SS18L1: variants seen among roughly 807,000 people sequenced by gnomAD.
SS18L1 encodes the protein calcium-responsive transactivator.
SS18L1 carries 32 observed loss-of-function variants against 70.3 expected under a neutral mutation model. That is an observed-to-expected ratio of 0.46 (90% confidence interval 0.34 to 0.61). SS18L1 has a LOEUF of 0.61. SS18L1 is among the 20% of genes least tolerant of loss of function. The probability of loss-of-function intolerance (pLI) is 0.01; values close to 1 mark genes in which losing one functional copy is unlikely to be tolerated. For missense variants in SS18L1, 430 were observed against 542.1 expected (o/e 0.79, Z 2.05); for synonymous variants, 237 against 229.7 (o/e 1.03, Z -0.29).
chr20:62,177,235 G>T (rs866593778), intron 10 of SS18L1, among the ~76,000 whole-genome samples: 1 of 151,582 alleles, frequency 6.6e-6, no homozygotes, highest in Non-Finnish European at 1.5e-5. Context: ...CTGAGATCGC[G>T]CCATTGTATT....
In SS18L1 at chr20:62,161,588, C is replaced by T. The variant is rs951603581; in HGVS notation, c.376+8C>T. The T allele has an allele frequency of 3.0e-5, 48 of 1,599,206 alleles. No individual in the cohort carries two copies. The highest frequency in any genetic ancestry group is 4.5e-5 in the East Asian group (2 of 44,436). On this transcript the variant is annotated splice_region_variant and intron_variant, in intron 4 of 10. Transcript: ENST00000331758. This position sits in a 1 kb window ranked among gnomAD's most constrained non-coding sequence, Gnocchi z 4.4. ...AGGGCCAGATTGGCAACGGTGAGTG[C>T]GGCGGGGGAGGAGGACGTTCCTGGC...
rs2057384407 is a variant in SS18L1 at position 62,164,171 on chromosome 20, G to C, written c.748G>C (p.Glu250Gln). 1.3e-6 allele frequency: 2 copies of C among 1,550,076 alleles called. No individual in the cohort carries two copies. Among genetic ancestry groups the C allele is most frequent in the African/African-American group, 2.7e-5 (2 of 73,030 alleles). Residue 250 changes from glutamate to glutamine, a missense_variant, in exon 7 of 11, where the codon GAG becomes CAG. By Grantham distance (29) the Glu-to-Gln change is conservative. Coordinates refer to ENST00000331758, the MANE Select transcript of SS18L1 (RefSeq NM_198935.3). Reference sequence around the variant, plus strand: ...CTCTTCCCAGCAGTACCTGGGCCAGGAGGAGTACTATGGCGAGCAGTACAG... The same window carrying C: ...CTCTTCCCAGCAGTACCTGGGCCAGCAGGAGTACTATGGCGAGCAGTACAG... Reference protein sequence around the residue: ...QGSSQQYLGQEEYYGEQYSHS... With the variant: ...QGSSQQYLGQQEYYGEQYSHS...
At chr20:62,172,540 G>A in intron 8 of SS18L1, 142 bp from the exon 9 acceptor site, 1 of 1,229,470 alleles carries the variant, frequency 8.1e-7, no homozygotes, top group South Asian at 1.4e-5. Flanking sequence ...TATAGTATTT[G>A]AATGGTTGTG....
intron 1 of SS18L1, among the ~76,000 whole-genome samples, chr20:62,145,319 G>GA (rs983960805): frequency 3.8e-4 from 2 of 5,298 alleles, no homozygotes; most frequent in Admixed American, 3.2e-3. Flanking sequence ...CTGAGGCCTA[G>GA]GGGGGCTAAA....
At chr20:62,168,993 A>T (rs1462969252) in intron 8 of SS18L1, among the ~76,000 whole-genome samples, 1 of 151,832 alleles carries the variant, frequency 6.6e-6, no homozygotes, top group African/African-American at 2.4e-5. Flanking sequence ...GGGCTGACCA[A>T]GCCAGGAGGG....
intron 1 of SS18L1, among the ~76,000 whole-genome samples, chr20:62,153,372 C>A (rs1248554063): frequency 2.0e-5 from 3 of 152,192 alleles, no homozygotes; most frequent in Non-Finnish European, 4.4e-5. Context: ...ATGCCTCCCA[C>A]CTCCCAGAGG....
rs373266964 is a variant in SS18L1, at chr20:62,181,764, ATCTT to A, written c.*2557_*2560del. On this transcript the variant is annotated 3_prime_UTR_variant, in exon 11 of 11. Transcript: ENST00000331758. Reference sequence around the variant, plus strand: ...GCCAGCAGTTCCTTTTCATTATTCTATCTTCTGTCATATGAATGTTGAGCAAAGC... The same window carrying A: ...GCCAGCAGTTCCTTTTCATTATTCTACTGTCATATGAATGTTGAGCAAAGC... The A allele has an allele frequency of 8.9e-6, 2 of 225,188 alleles. No individual in the cohort carries two copies. Among genetic ancestry groups the A allele is most frequent in the African/African-American group, 4.5e-5 (2 of 44,850 alleles). 13.9% of individuals were successfully genotyped at this position (225,188 alleles called of 1,614,324 possible). A position where few individuals can be genotyped will look rare whatever the true frequency, so the allele number is the denominator to read the frequency against.
chr20:62,182,119 C>T lies in SS18L1; in HGVS notation c.*2911C>T, dbSNP rs570479763. Reference sequence around the variant, plus strand: ...ATGGGATTAAGGTGGACAAGATCTCCTAAGATCTGTGAATGGGATTAAGGT... The same window carrying T: ...ATGGGATTAAGGTGGACAAGATCTCTTAAGATCTGTGAATGGGATTAAGGT... On this transcript the variant is annotated 3_prime_UTR_variant, in exon 11 of 11. Coordinates refer to ENST00000331758, the MANE Select transcript of SS18L1 (RefSeq NM_198935.3). 8.8e-6 allele frequency: 2 copies of T among 227,668 alleles called. No individual in the cohort carries two copies. The highest frequency in any genetic ancestry group is 2.2e-5 in the African/African-American group (1 of 45,114). 14.1% of individuals were successfully genotyped at this position (227,668 alleles called of 1,614,324 possible).
intron 1 of SS18L1, among the ~76,000 whole-genome samples, chr20:62,154,691 T>C (rs929808863): frequency 6.6e-6 from 1 of 152,180 alleles, no homozygotes; most frequent in African/African-American, 2.4e-5. Flanking sequence ...TCTCCTGTCA[T>C]GTTTAGGATC....
rs772766858 is a variant in SS18L1 at position 62,174,604 on chromosome 20, C to G, written c.1124C>G (p.Ala375Gly). ...QYGSYRAPQTAPSAQQQRPYG... is the reference protein window; with the variant it reads ...QYGSYRAPQTGPSAQQQRPYG... The stretch of plus-strand genomic sequence containing the variant: ...GGAAGCTACCGAGCACCGCAGACAG[C>G]GCCGTCTGCCCAGCAGCAGCGGCCC... The change falls in exon 10 of 11, where the codon GCG (alanine) becomes GGG (glycine). Residue 375 changes from alanine (A) to glycine (G), a missense_variant. Coordinates refer to ENST00000331758, the MANE Select transcript of SS18L1 (RefSeq NM_198935.3). This position sits in a 1 kb window ranked among gnomAD's most constrained non-coding sequence, Gnocchi z 4.1. 9 of 1,613,730 alleles carry G rather than the reference C, an allele frequency of 5.6e-6. No homozygotes were observed. Among genetic ancestry groups the G allele is most frequent in the Non-Finnish European group, 7.6e-6 (9 of 1,180,050 alleles).
intron 1 of SS18L1, among the ~76,000 whole-genome samples, chr20:62,156,365 C>G (rs2057223291): frequency 6.6e-6 from 1 of 152,206 alleles, no homozygotes; most frequent in African/African-American, 2.4e-5. Context: ...CTCTCCCTCA[C>G]CTGCCCACTG....
intron 10 of SS18L1, 110 bp from the exon 11 acceptor site, chr20:62,179,072 G>A (rs949509557): frequency 2.1e-5 from 25 of 1,195,932 alleles, no homozygotes; most frequent in Non-Finnish European, 3.0e-5. Flanking sequence ...GTGAGCAGAG[G>A]TTGTTTGCTT....
Position 62,163,405 on chromosome 20 carries a change from G to A in SS18L1, c.557-53G>A, listed in dbSNP as rs1010907559. ...GCGCAGGAGGTAGTTGGGTGTGGGA[G>A]GGAGGGCGGGAGGCTTCCCGGGGTG... On this transcript the variant is annotated intron_variant, in intron 5 of 10. Transcript: ENST00000331758. The A allele has an allele frequency of 3.1e-6, 5 of 1,607,370 alleles. No homozygotes were observed. The Admixed American group carries it at 5.0e-5, about 16-fold the overall frequency.
intron 8 of SS18L1, among the ~76,000 whole-genome samples, chr20:62,171,435 C>G (rs2057530078): frequency 6.6e-6 from 1 of 152,114 alleles, no homozygotes; most frequent in African/African-American, 2.4e-5. Flanking sequence ...CGTGGAAGTT[C>G]AAGACTCAAG....
chr20:62,147,316 G>C (rs900763574), intron 1 of SS18L1, among the ~76,000 whole-genome samples: 1 of 152,180 alleles, frequency 6.6e-6, no homozygotes, highest in East Asian at 1.9e-4. Context: ...ACTGTGCTGG[G>C]GAACCCTGCG....
Position 62,158,560 on chromosome 20 carries a change from C to T in SS18L1, c.70-112C>T. On this transcript the variant is annotated intron_variant, in intron 1 of 10. Transcript: ENST00000331758. This position sits in a 1 kb window ranked among gnomAD's most constrained non-coding sequence, Gnocchi z 4.5. ...GAAAAATCTGAAATCTGACACGTTTCACGTAAGGGACGCTCAACCTATATG... is the reference window on the plus strand; with the variant it reads ...GAAAAATCTGAAATCTGACACGTTTTACGTAAGGGACGCTCAACCTATATG... The T allele has an allele frequency of 6.8e-7, 1 of 1,476,788 alleles. No individual in the cohort carries two copies. Among genetic ancestry groups the T allele is most frequent in the Non-Finnish European group, 9.1e-7 (1 of 1,100,132 alleles). The allele number at this position is 1,476,788 out of a possible 1,614,324, so 91.5% of individuals were successfully genotyped here. A position where few individuals can be genotyped will look rare whatever the true frequency, so the allele number is the denominator to read the frequency against.
chr20:62,165,249 G>A (rs1274465659), intron 7 of SS18L1, among the ~76,000 whole-genome samples, 173 bp from the exon 8 acceptor site: 1 of 152,146 alleles, frequency 6.6e-6, no homozygotes, highest in East Asian at 1.9e-4. Context: ...GCATTTCAGT[G>A]GGGAGGCCGA....
intron 6 of SS18L1, 148 bp from the exon 7 acceptor site, chr20:62,163,997 A>G (rs1487722581): frequency 1.5e-6 from 1 of 684,808 alleles, no homozygotes; most frequent in Non-Finnish European, 2.4e-6. Context: ...AAAATACAAA[A>G]CATAAGTTGG....
intron 8 of SS18L1, among the ~76,000 whole-genome samples, chr20:62,168,408 C>T (rs1356119978): frequency 2.0e-5 from 3 of 152,144 alleles, no homozygotes; most frequent in African/African-American, 7.2e-5. Context: ...GTGTCATAGC[C>T]ACCTTCAAAC....
Sources: allele counts gnomAD v4.1 joint callset (sites outside exome capture counted in the v4.1 genomes callset), GRCh38; gene constraint gnomAD v4.1.1; non-coding constraint Gnocchi (gnomAD v3.1); transcripts MANE v1.5; gene names NCBI Gene and HGNC (gene_info 2026-07-23, HGNC 2026-07-21).